SENP7: variants seen among roughly 807,000 people sequenced by gnomAD.
The protein encoded by SENP7 is SUMO specific peptidase 7, also known as sentrin-specific protease 7.
In SENP7, 64 loss-of-function variants were observed where a neutral mutation model predicts 141.2. That is an observed-to-expected ratio of 0.45 (90% CI 0.37 to 0.56). The LOEUF (loss-of-function observed/expected upper bound fraction) is 0.56. Ranked by LOEUF, SENP7 falls within the 20% of genes least tolerant of loss-of-function variation. SENP7 has a pLI of 0.00. For missense variants in SENP7, 1,025 were observed against 1,212.2 expected (o/e 0.85, Z 2.29); for synonymous variants, 382 against 426.4 (o/e 0.90, Z 1.28).
intron 12 of SENP7, among the ~76,000 whole-genome samples, chr3:101,350,659 T>C (rs1404881404): frequency 6.6e-6 from 1 of 152,110 alleles, no homozygotes; most frequent in Non-Finnish European, 1.5e-5. Flanking sequence ...TTGATGTTTG[T>C]ATCGCAAGAA....
chr3:101,427,956 CTCT>C (rs1407367578), intron 4 of SENP7, among the ~76,000 whole-genome samples: 1 of 150,212 alleles, frequency 6.7e-6, no homozygotes, highest in African/African-American at 2.5e-5. Flanking sequence ...GTTTTGTTTT[CTCT>C]TCTTGTGTTT....
chr3:101,451,811 G>C (rs1390130760), intron 4 of SENP7, among the ~76,000 whole-genome samples: 1 of 152,188 alleles, frequency 6.6e-6, no homozygotes, highest in Non-Finnish European at 1.5e-5. Flanking sequence ...ACAAGACAGG[G>C]ATGCCCTCTC....
chr3:101,343,928 C>G lies in SENP7; in HGVS notation c.1864G>C (p.Glu622Gln), dbSNP rs1238400449. ...QSKSSEFIFL[E>Q]LHNPVSQREE... ...CTTTGTGAAACAGGATTGTGTAGTT[C>G]AAGGAAAATGAATTCACTAGATTTT... Residue 622 changes from glutamate to glutamine, a missense_variant, in exon 14 of 24, where the codon GAA (glutamate) becomes CAA (glutamine). Glu to Gln is a conservative substitution (Grantham distance 29). Around this residue, in one of 4 missense-constraint regions of SENP7, gnomAD observed 228 missense variants for 228.5 expected, o/e 1.00. Transcript: ENST00000394095. 1.3e-6 allele frequency: 2 copies of G among 1,587,374 alleles called. No homozygotes were observed. Among genetic ancestry groups the G allele is most frequent in the African/African-American group, 2.7e-5 (2 of 73,642 alleles).
chr3:101,392,637 C>T (rs139944476), intron 6 of SENP7, among the ~76,000 whole-genome samples: 1 of 152,254 alleles, frequency 6.6e-6, no homozygotes, highest in African/African-American at 2.4e-5. Flanking sequence ...AAATAAAATG[C>T]AATCCCAATC....
chr3:101,374,686 G>A (rs1490667640), intron 6 of SENP7, among the ~76,000 whole-genome samples: 1 of 149,288 alleles, frequency 6.7e-6, no homozygotes, highest in Non-Finnish European at 1.5e-5. Context: ...GCTGAGGGGA[G>A]AATCACTTGA....
At chr3:101,499,367 G>A (rs2065281322) in intron 2 of SENP7, among the ~76,000 whole-genome samples, 1 of 151,918 alleles carries the variant, frequency 6.6e-6, no homozygotes, top group Non-Finnish European at 1.5e-5. Flanking sequence ...GCAATGTAAG[G>A]TTTTTTTAGG....
At chr3:101,455,167 C>T (rs1170746815) in intron 4 of SENP7, among the ~76,000 whole-genome samples, 2 of 152,100 alleles carry the variant, frequency 1.3e-5, no homozygotes, top group Admixed American at 1.3e-4. Flanking sequence ...CTTAGCACAG[C>T]AGCGATTTAT....
chr3:101,446,549 T>G (rs2062904234), intron 4 of SENP7, among the ~76,000 whole-genome samples: 1 of 152,140 alleles, frequency 6.6e-6, no homozygotes, highest in Non-Finnish European at 1.5e-5. Flanking sequence ...TTTTAAAAAC[T>G]GAAATCATAT....
intron 19 of SENP7, among the ~76,000 whole-genome samples, chr3:101,331,033 T>C (rs1041603201): frequency 2.6e-5 from 4 of 152,146 alleles, no homozygotes; most frequent in Admixed American, 6.6e-5. Context: ...TACAGGAAAT[T>C]AGATTAAGTA....
chr3:101,422,158 A>AT (rs964976904), intron 4 of SENP7, among the ~76,000 whole-genome samples: 23 of 152,212 alleles, frequency 1.5e-4, no homozygotes, highest in African/African-American at 5.5e-4. Flanking sequence ...CATGCGAGGG[A>AT]TCTAACTTGT....
At chr3:101,460,825 A>G (rs2063521464) in intron 3 of SENP7, among the ~76,000 whole-genome samples, 1 of 152,138 alleles carries the variant, frequency 6.6e-6, no homozygotes, top group African/African-American at 2.4e-5. Context: ...GGTCAACCAC[A>G]ATGGCTCACA....
At chr3:101,395,074 A>G (rs757623081) in intron 6 of SENP7, among the ~76,000 whole-genome samples, 3 of 152,184 alleles carry the variant, frequency 2.0e-5, no homozygotes, top group Non-Finnish European at 4.4e-5. Context: ...ATAGTTTACA[A>G]ACATTTTCTC....
At chr3:101,332,669 T>C in intron 18 of SENP7, 101 bp downstream of exon 18, 1 of 613,732 alleles carries the variant, frequency 1.6e-6, no homozygotes, top group Non-Finnish European at 2.6e-6. Flanking sequence ...ATACCTGAGA[T>C]GTATGTGGCC....
intron 5 of SENP7, chr3:101,414,199 C>T (rs1038781937): frequency 1.7e-6 from 1 of 574,180 alleles, no homozygotes; most frequent in Non-Finnish European, 3.1e-6. Context: ...GGCCGCACAG[C>T]ATGGGGCAGT....
intron 19 of SENP7, among the ~76,000 whole-genome samples, chr3:101,331,188 A>G (rs1322147931): frequency 6.6e-6 from 1 of 152,176 alleles, no homozygotes; most frequent in African/African-American, 2.4e-5. Context: ...ATTTCAAAAT[A>G]TCATGTTGTA....
At position 101,328,390 on chromosome 3, in the gene SENP7, T is replaced by TA. The variant is rs1286576523; in HGVS notation, c.2864+87dup. The TA allele has an allele frequency of 8.4e-6, 7 of 836,116 alleles. No homozygotes were observed. The Admixed American group carries it at 1.4e-4, about 17-fold the overall frequency. 51.8% of individuals were successfully genotyped at this position (836,116 alleles called of 1,614,324 possible). On this transcript the variant is annotated intron_variant, in intron 22 of 23. Coordinates refer to ENST00000394095, the MANE Select transcript of SENP7 (RefSeq NM_020654.5). ...ATAGATAATAAAATATAATTCCTGA[T>TA]ATAGTCTTTTCAATAATTCTGAAGG... is the stretch of plus-strand genomic sequence containing the variant.
At chr3:101,432,525 T>C (rs2062222586) in intron 4 of SENP7, among the ~76,000 whole-genome samples, 1 of 152,144 alleles carries the variant, frequency 6.6e-6, no homozygotes, top group Admixed American at 6.5e-5. Flanking sequence ...CCCAGCACAG[T>C]CACAATGCTG....
At chr3:101,485,193 A>C (rs2064675547) in intron 3 of SENP7, among the ~76,000 whole-genome samples, 1 of 152,020 alleles carries the variant, frequency 6.6e-6, no homozygotes, top group Non-Finnish European at 1.5e-5. Context: ...CATAAGACAA[A>C]GGACATATAA....
At chr3:101,495,089 AT>A (rs1272704247) in intron 2 of SENP7, among the ~76,000 whole-genome samples, 2 of 152,206 alleles carry the variant, frequency 1.3e-5, no homozygotes, top group Non-Finnish European at 2.9e-5. Context: ...AAGAAAAAAA[AT>A]TCCCATTAAA....
Sources: gnomAD v4.1 joint callset for allele counts (sites outside exome capture counted in the v4.1 genomes callset) on GRCh38, gnomAD v4.1.1 for gene constraint, gnomAD v4.1.1 regional missense constraint, MANE v1.5 for transcripts, NCBI Gene and HGNC (gene_info 2026-07-23, HGNC 2026-07-21) for gene names.